Variants in RBFOX1 observed in about 807,000 individuals in gnomAD.
The protein encoded by RBFOX1 is RNA binding protein fox-1 homolog 1.
Under a neutral mutation model 57.7 loss-of-function variants are expected in RBFOX1, and 8 were observed. The ratio of observed to expected loss-of-function variants is 0.14; its 90% CI spans 0.08 to 0.25. The LOEUF (loss-of-function observed/expected upper bound fraction) is 0.25, where lower values mean the gene tolerates loss of function less well. Among genes scored for constraint, RBFOX1 ranks in the 10% least tolerant of loss-of-function variants. RBFOX1 has a pLI of 1.00. For synonymous variants in RBFOX1, 326 were observed against 222.4 expected (o/e 1.47, Z -4.15); for missense variants, 611 against 548.5 (o/e 1.11, Z -1.14).
chr16:6,498,903 C>T lies in RBFOX1; in HGVS notation c.-63-155700C>T, dbSNP rs531518966. Among the ~76,000 whole-genome samples the T allele has an allele frequency of 2.0e-5, 3 of 152,318 alleles. No individual in the cohort carries two copies. In the East Asian group the frequency reaches 5.8e-4, roughly 29 times the overall value. Reference sequence around the variant, plus strand: ...TCAACTAAAATACTGACACCACCTTCTATAGGCTTATACGGCAAGTAGCAG... The same window carrying T: ...TCAACTAAAATACTGACACCACCTTTTATAGGCTTATACGGCAAGTAGCAG... On this transcript the variant is annotated intron_variant, in intron 2 of 15. Coordinates refer to ENST00000550418, the MANE Select transcript of RBFOX1 (RefSeq NM_018723.4).
chr16:7,534,504 G>C (rs1175379876), intron 5 of RBFOX1, among the ~76,000 whole-genome samples: 2 of 151,954 alleles, frequency 1.3e-5, no homozygotes, highest in African/African-American at 4.8e-5. Flanking sequence ...TAAGCCCCAG[G>C]ATAACTTCCC....
intron 1 of RBFOX1, among the ~76,000 whole-genome samples, chr16:5,241,275 G>T (rs567422846): frequency 6.6e-6 from 1 of 152,198 alleles, no homozygotes. Flanking sequence ...CCTGGACACC[G>T]AACTCAGGTG....
At chr16:5,624,120 A>C (rs1019280742) in intron 3 of RBFOX1, among the ~76,000 whole-genome samples, 2 of 152,240 alleles carry the variant, frequency 1.3e-5, no homozygotes, top group Admixed American at 6.5e-5. Flanking sequence ...GCAAAGGAGA[A>C]CATTTTAGGT....
At chr16:7,400,600 A>T in intron 4 of RBFOX1, among the ~76,000 whole-genome samples, 1 of 152,200 alleles carries the variant, frequency 6.6e-6, no homozygotes, top group South Asian at 2.1e-4. Flanking sequence ...GAAATTTGGA[A>T]ATAGGTGGTA....
At chr16:6,976,765 TC>T (rs200791192) in intron 3 of RBFOX1, among the ~76,000 whole-genome samples, 5,249 of 133,198 alleles carry the variant, frequency 0.039, 290 homozygotes, top group African/African-American at 0.13. Flanking sequence ...TACATATATA[TC>T]GTATGACATA....
chr16:5,903,181 A>G (rs891951235), intron 4 of RBFOX1, among the ~76,000 whole-genome samples: 2 of 152,104 alleles, frequency 1.3e-5, no homozygotes, highest in African/African-American at 2.4e-5. Context: ...TGCACTGGAA[A>G]ATGTAAACCC....
chr16:7,265,961 T>TTG (rs2095117091), intron 4 of RBFOX1, among the ~76,000 whole-genome samples: 1 of 113,976 alleles, frequency 8.8e-6, no homozygotes, highest in Non-Finnish European at 1.6e-5. Flanking sequence ...CTGGTGGGTT[T>TTG]TTGTTTTTTT....
chr16:6,049,262 C>G (rs1432090495), intron 1 of RBFOX1, among the ~76,000 whole-genome samples: 1 of 151,716 alleles, frequency 6.6e-6, no homozygotes, highest in Non-Finnish European at 1.5e-5. Context: ...TGGGGTTTCA[C>G]CATATTGGTC....
intron 3 of RBFOX1, among the ~76,000 whole-genome samples, chr16:6,762,591 A>T (rs2076766273): frequency 6.6e-6 from 1 of 152,180 alleles, no homozygotes; most frequent in South Asian, 2.1e-4. Context: ...TCTCCTCAAG[A>T]ATCTTAGATA....
intron 5 of RBFOX1, among the ~76,000 whole-genome samples, chr16:7,532,502 C>A (rs374039315): frequency 1.3e-5 from 2 of 152,142 alleles, no homozygotes; most frequent in Non-Finnish European, 2.9e-5. Flanking sequence ...AAAGGGAGGA[C>A]GTGAGTTGGA....
chr16:7,587,950 G>A (rs2094215357), intron 7 of RBFOX1, among the ~76,000 whole-genome samples: 1 of 152,196 alleles, frequency 6.6e-6, no homozygotes, highest in Non-Finnish European at 1.5e-5. Context: ...ACTTTGAGGT[G>A]GGTGGATCAC....
intron 3 of RBFOX1, among the ~76,000 whole-genome samples, chr16:5,655,167 C>G (rs1334858493): frequency 6.6e-6 from 1 of 152,162 alleles, no homozygotes; most frequent in Non-Finnish European, 1.5e-5. Context: ...TGGAATTTAG[C>G]CCCGACGAGG....
intron 4 of RBFOX1, among the ~76,000 whole-genome samples, chr16:7,185,944 C>G (rs1180044180): frequency 6.6e-6 from 1 of 152,142 alleles, no homozygotes; most frequent in African/African-American, 2.4e-5. Context: ...CCCTTTCTCC[C>G]CGTCCTCTGA....
At chr16:7,469,639 T>C (rs1428769004) in intron 4 of RBFOX1, among the ~76,000 whole-genome samples, 1 of 152,226 alleles carries the variant, frequency 6.6e-6, no homozygotes, top group East Asian at 1.9e-4. Flanking sequence ...CCTCTCTTCT[T>C]AATGTCTCAC....
chr16:6,450,505 G>C (rs1168852294), intron 2 of RBFOX1, among the ~76,000 whole-genome samples: 1 of 151,360 alleles, frequency 6.6e-6, no homozygotes, highest in Non-Finnish European at 1.5e-5. Flanking sequence ...TGGTAGGAAA[G>C]CCAGCAGGAA....
At chr16:7,680,860 C>G (rs2074546752) in intron 14 of RBFOX1, among the ~76,000 whole-genome samples, 1 of 151,920 alleles carries the variant, frequency 6.6e-6, no homozygotes, top group Non-Finnish European at 1.5e-5. Context: ...AATAGAAATC[C>G]AAATAAAATG....
At chr16:6,604,214 G>A (rs992272535) in intron 2 of RBFOX1, among the ~76,000 whole-genome samples, 1 of 151,792 alleles carries the variant, frequency 6.6e-6, no homozygotes, top group Non-Finnish European at 1.5e-5. Context: ...AAAAAAAAAA[G>A]AAAAAGTAGG....
chr16:5,286,097 G>T (rs1347286378), intron 1 of RBFOX1, among the ~76,000 whole-genome samples: 2 of 152,184 alleles, frequency 1.3e-5, no homozygotes, highest in Non-Finnish European at 2.9e-5. Flanking sequence ...GGAGGCTGTT[G>T]TGAGGTTTTG....
rs74941726 is a variant in RBFOX1 at position 5,864,131 on chromosome 16, A to C, written c.319-3172A>C. Among the ~76,000 whole-genome samples the C allele has an allele frequency of 7.2e-3, 1,094 of 152,080 alleles. 15 individuals are homozygous for C. The highest frequency in any genetic ancestry group is 0.025 in the African/African-American group (1,052 of 41,474). ...CATGTGCTCTCATCATTTAGCTCCA[A>C]CTTCTAGGTGAGGATATGCAGTATT... On this transcript the variant is annotated intron_variant, in intron 3 of 19. Transcript: ENST00000641259.
Sources: allele counts gnomAD v4.1 joint callset (sites outside exome capture counted in the v4.1 genomes callset), GRCh38; gene constraint gnomAD v4.1.1; transcripts MANE v1.5; gene names NCBI Gene and HGNC (gene_info 2026-07-23, HGNC 2026-07-21).